NPFFR2: variants seen among roughly 807,000 people sequenced by gnomAD.
NPFFR2 encodes the protein neuropeptide FF receptor 2.
In NPFFR2, 15 loss-of-function variants were observed where a neutral mutation model predicts 13.1. That is an observed-to-expected ratio of 1.15 (90% CI 0.77 to 1.76). The LOEUF (loss-of-function observed/expected upper bound fraction) is 1.76, where lower values mean the gene tolerates loss of function less well. Ranked by LOEUF, NPFFR2 falls within the 40% of genes most tolerant of loss-of-function variation. The pLI, the probability that NPFFR2 is intolerant of heterozygous loss-of-function variation, is 0.00. For missense variants in NPFFR2, 572 were observed against 503.5 expected, an observed-to-expected ratio of 1.14 and a Z score of -1.30; for synonymous variants, 190 against 175.7, an observed-to-expected ratio of 1.08 and a Z score of -0.65.
chr4:72,084,208 T>C (rs1183071417), intron 1 of NPFFR2, among the ~76,000 whole-genome samples: 2 of 152,176 alleles, frequency 1.3e-5, no homozygotes, highest in Non-Finnish European at 2.9e-5. Flanking sequence ...AAACACTTCA[T>C]ATTAGGAAAA....
Position 72,138,119 on chromosome 4 carries a change from A to G in NPFFR2, c.408A>G (p.Leu136=), listed in dbSNP as rs1578481096. The change falls in exon 3 of 4, where the codon TTA becomes TTG. Residue 136 remains leucine (L), a synonymous_variant. Coordinates refer to ENST00000308744, the MANE Select transcript of NPFFR2 (RefSeq NM_004885.3). ...CTGTCGCAGCTTCAGTCTTTACGTT[A>G]GTTGCAATTGCTGTAGATAGGTAAG... ...GISVAASVFT[L]VAIAVDRFQC... 6.2e-7 allele frequency: 1 copy of G among 1,613,380 alleles called. No homozygotes were observed. Among genetic ancestry groups the G allele is most frequent in the Non-Finnish European group, 8.5e-7 (1 of 1,179,480 alleles).
intron 1 of NPFFR2, among the ~76,000 whole-genome samples, chr4:72,115,398 G>T (rs10938004): frequency 0.058 from 8,830 of 152,118 alleles, 724 homozygotes; most frequent in East Asian, 0.42. Context: ...TTAAATTTTT[G>T]CCAGTGGGAT....
intron 1 of NPFFR2, among the ~76,000 whole-genome samples, chr4:72,103,174 G>A (rs1721307703): frequency 6.6e-6 from 1 of 152,106 alleles, no homozygotes; most frequent in Non-Finnish European, 1.5e-5. Flanking sequence ...ATTTATTAAG[G>A]CAGTTGCATC....
At chr4:72,136,226 A>T (rs1219314113) in intron 2 of NPFFR2, among the ~76,000 whole-genome samples, 1 of 152,060 alleles carries the variant, frequency 6.6e-6, no homozygotes, top group Admixed American at 6.6e-5. Context: ...GGTGTGGTGG[A>T]CTGCACCTGT....
At chr4:72,040,645 A>G (rs1019699644) in intron 1 of NPFFR2, among the ~76,000 whole-genome samples, 2 of 152,118 alleles carry the variant, frequency 1.3e-5, no homozygotes, top group Non-Finnish European at 2.9e-5. Context: ...TAAAAATCAT[A>G]TTCCAAAACA....
chr4:72,127,351 A>ATTTTTTTTTT (rs1560419389), intron 1 of NPFFR2, among the ~76,000 whole-genome samples: 3 of 123,388 alleles, frequency 2.4e-5, no homozygotes, highest in African/African-American at 1.0e-4. Flanking sequence ...ATTCTAAATA[A>ATTTTTTTTTT]TTTCTTTTCT....
At chr4:72,102,928 A>T (rs1266174698) in intron 1 of NPFFR2, among the ~76,000 whole-genome samples, 1 of 151,982 alleles carries the variant, frequency 6.6e-6, no homozygotes, top group Non-Finnish European at 1.5e-5. Flanking sequence ...CTAGTTCTAG[A>T]TCCCTGAGGA....
chr4:72,051,872 T>C (rs1719594746), intron 1 of NPFFR2, among the ~76,000 whole-genome samples: 1 of 150,836 alleles, frequency 6.6e-6, no homozygotes, highest in South Asian at 2.1e-4. Flanking sequence ...AACACCTCTA[T>C]GCAAATAAAC....
chr4:72,069,828 T>C (rs546947801), intron 1 of NPFFR2, among the ~76,000 whole-genome samples: 143 of 152,286 alleles, frequency 9.4e-4, no homozygotes, highest in African/African-American at 3.3e-3. Context: ...GTAAATTGTT[T>C]TAAAAGTTAC....
chr4:72,036,491 C>T (rs1055604543), intron 1 of NPFFR2, among the ~76,000 whole-genome samples: 4 of 139,078 alleles, frequency 2.9e-5, no homozygotes, highest in Non-Finnish European at 6.0e-5. Context: ...GAGTTGGGTT[C>T]GGGTGGTGTG....
intron 1 of NPFFR2, among the ~76,000 whole-genome samples, chr4:72,115,136 T>C (rs1318610447): frequency 6.6e-6 from 1 of 152,152 alleles, no homozygotes; most frequent in Admixed American, 6.6e-5. Flanking sequence ...CAATATGTTG[T>C]TTCTAAACTT....
At chr4:72,068,872 C>A (rs1022728260) in intron 1 of NPFFR2, 5 of 456,140 alleles carry the variant, frequency 1.1e-5, no homozygotes, top group Non-Finnish European at 1.9e-5. Context: ...TTTTTTCCTG[C>A]ATGGCTCTAG....
At chr4:72,060,711 C>G (rs1719896615) in intron 1 of NPFFR2, among the ~76,000 whole-genome samples, 3 of 152,016 alleles carry the variant, frequency 2.0e-5, no homozygotes, top group African/African-American at 4.8e-5. Context: ...GCTTGTCATT[C>G]TTATTATTAT....
chr4:72,135,817 TG>T (rs1368212761), intron 2 of NPFFR2, among the ~76,000 whole-genome samples: 3 of 138,326 alleles, frequency 2.2e-5, no homozygotes, highest in Non-Finnish European at 3.4e-5. Flanking sequence ...TGTTTTAATT[TG>T]TTTTTTTTTT....
chr4:72,076,006 C>G (rs112243398), intron 1 of NPFFR2, among the ~76,000 whole-genome samples: 26 of 122,824 alleles, frequency 2.1e-4, no homozygotes, highest in African/African-American at 7.2e-4. Flanking sequence ...CACACACACA[C>G]AGAGAGAGAG....
intron 1 of NPFFR2, among the ~76,000 whole-genome samples, chr4:72,100,798 A>G (rs1354158688): frequency 1.3e-5 from 2 of 152,080 alleles, no homozygotes; most frequent in African/African-American, 4.8e-5. Flanking sequence ...CACATCACAG[A>G]GCAGAGAATT....
intron 1 of NPFFR2, among the ~76,000 whole-genome samples, chr4:72,103,267 A>C (rs1351465639): frequency 6.6e-6 from 1 of 152,138 alleles, no homozygotes; most frequent in Non-Finnish European, 1.5e-5. Context: ...CAGAATTTAT[A>C]TGTTGGAAAC....
At chr4:72,058,799 T>G (rs902726638) in intron 1 of NPFFR2, among the ~76,000 whole-genome samples, 2 of 152,004 alleles carry the variant, frequency 1.3e-5, no homozygotes, top group Non-Finnish European at 2.9e-5. Flanking sequence ...TCAAGTACAA[T>G]TGGATCTTCA....
chr4:72,038,387 G>C (rs955232387), intron 1 of NPFFR2, among the ~76,000 whole-genome samples: 10 of 152,256 alleles, frequency 6.6e-5, no homozygotes, highest in African/African-American at 2.4e-4. Context: ...TTAGTGCCTA[G>C]AACAGAGTCT....
Sources: gnomAD v4.1 joint callset for allele counts (sites outside exome capture counted in the v4.1 genomes callset) on GRCh38, gnomAD v4.1.1 for gene constraint, MANE v1.5 for transcripts, NCBI Gene and HGNC (gene_info 2026-07-23, HGNC 2026-07-21) for gene names.